TGFB3: variants seen among roughly 807,000 people sequenced by gnomAD.
The protein encoded by TGFB3 is transforming growth factor beta-3 proprotein.
Under a neutral mutation model 40.1 loss-of-function variants are expected in TGFB3, and 5 were observed. That is an observed-to-expected ratio of 0.12 (90% CI 0.07 to 0.26). The LOEUF (loss-of-function observed/expected upper bound fraction) is 0.26, where lower values mean the gene tolerates loss of function less well. TGFB3 is among the 10% of genes least tolerant of loss of function. The probability of loss-of-function intolerance (pLI) is 1.00; values close to 1 mark genes in which losing one functional copy is unlikely to be tolerated. For synonymous variants in TGFB3, 184 were observed against 205.6 expected, an observed-to-expected ratio of 0.89 and a Z score of 0.90; for missense variants, 373 against 530.1, an observed-to-expected ratio of 0.70 and a Z score of 2.91.
At chr14:75,975,971 A>C (rs1221162618) in intron 1 of TGFB3, among the ~76,000 whole-genome samples, 1 of 152,258 alleles carries the variant, frequency 6.6e-6, no homozygotes, top group African/African-American at 2.4e-5. Context: ...TTTCCATTGC[A>C]CAGAAAAAAT....
At position 75,971,366 on chromosome 14, in the gene TGFB3, TGCCATGGCCCTCGAGCACCTTA is replaced by T; in HGVS notation, c.517-133_517-112del. 1 of 1,564,786 alleles carries T rather than the reference TGCCATGGCCCTCGAGCACCTTA, an allele frequency of 6.4e-7. No homozygotes were observed. Among genetic ancestry groups the T allele is most frequent in the Middle Eastern group, 2.0e-4 (1 of 5,056 alleles). On this transcript the variant is annotated intron_variant, in intron 2 of 6. Transcript: ENST00000238682. The surrounding 1 kb of genome is among the most constrained non-coding windows in gnomAD (Gnocchi z 4.5). ...CGATAGGAAACCAGTGGTTCCTGAA[TGCCATGGCCCTCGAGCACCTTA>T]GCTAACTCTTAAGTGTTTTAATGAC...
chr14:75,980,725 G>C lies in TGFB3; in HGVS notation c.169C>G (p.Pro57Ala). ...ACGTGGGTCATCACCGTTGGCTCAGGGGGGCTGGTGAGCCTGAGCTTGCTC... is the reference window on the plus strand; with the variant it reads ...ACGTGGGTCATCACCGTTGGCTCAGCGGGGCTGGTGAGCCTGAGCTTGCTC... ...ILSKLRLTSPPEPTVMTHVPY... is the reference protein window; with the variant it reads ...ILSKLRLTSPAEPTVMTHVPY... Residue 57 changes from proline to alanine, a missense_variant, in exon 1 of 7, where the codon CCT (proline) becomes GCT (alanine). Pro to Ala is a conservative substitution (Grantham distance 27). Transcript: ENST00000238682. This position sits in a 1 kb window ranked among gnomAD's most constrained non-coding sequence, Gnocchi z 4.3. The C allele has an allele frequency of 6.2e-7, 1 of 1,614,192 alleles. No individual in the cohort carries two copies. The highest frequency in any genetic ancestry group is 1.1e-5 in the South Asian group (1 of 91,084).
rs1005394995 is a variant in TGFB3 at position 75,981,809 on chromosome 14, C to T, written c.-916G>A. The T allele has an allele frequency of 6.6e-6, 1 of 152,262 alleles. No homozygotes were observed. Among genetic ancestry groups the T allele is most frequent in the African/African-American group, 2.4e-5 (1 of 41,442 alleles). The allele number at this position is 152,262 out of a possible 1,614,324, so 9.4% of individuals were successfully genotyped here. A position where few individuals can be genotyped will look rare whatever the true frequency, so the allele number is the denominator to read the frequency against. Reference sequence around the variant, plus strand: ...AAATAAAATAAAATAGAAGCCAGTTCACGGCACGCCTGCTCCGGAAAGCTG... The same window carrying T: ...AAATAAAATAAAATAGAAGCCAGTTTACGGCACGCCTGCTCCGGAAAGCTG... On this transcript the variant is annotated 5_prime_UTR_variant, in exon 1 of 7. Transcript: ENST00000238682. The surrounding 1 kb of genome is among the most constrained non-coding windows in gnomAD (Gnocchi z 4.7).
Position 75,971,999 on chromosome 14 carries a change from G to A in TGFB3, c.353-281C>T, listed in dbSNP as rs2035299969. Among the ~76,000 whole-genome samples, 1 of 152,208 alleles carries A rather than the reference G, an allele frequency of 6.6e-6. No individual in the cohort carries two copies. ...CTCCTCCCACTGCCTTGACATCTCAGTTCTGGTAAGTTTTCCAACCCGTTT... is the reference window on the plus strand; with the variant it reads ...CTCCTCCCACTGCCTTGACATCTCAATTCTGGTAAGTTTTCCAACCCGTTT... On this transcript the variant is annotated intron_variant, in intron 1 of 6. Transcript: ENST00000238682. This position sits in a 1 kb window ranked among gnomAD's most constrained non-coding sequence, Gnocchi z 4.5.
chr14:75,972,377 AG>A (rs11466428), intron 1 of TGFB3, among the ~76,000 whole-genome samples: 140 of 152,280 alleles, frequency 9.2e-4, no homozygotes, highest in African/African-American at 3.2e-3. Context: ...TTAATATCTA[AG>A]GGGGGGTATT....
At position 75,980,062 on chromosome 14, in the gene TGFB3, C is replaced by T. The variant is rs1293299229; in HGVS notation, c.352+480G>A. On this transcript the variant is annotated intron_variant, in intron 1 of 6. Coordinates refer to ENST00000238682, the MANE Select transcript of TGFB3 (RefSeq NM_003239.5). This position sits in a 1 kb window ranked among gnomAD's most constrained non-coding sequence, Gnocchi z 4.3. Reference sequence around the variant, plus strand: ...TAATTTGGGGCAGGTATTCTTCTTCCCAAGAACTGGAAAAACTGAAACGGA... The same window carrying T: ...TAATTTGGGGCAGGTATTCTTCTTCTCAAGAACTGGAAAAACTGAAACGGA... 1.3e-5 allele frequency among the ~76,000 whole-genome samples: 2 copies of T among 152,252 alleles called. No homozygotes were observed. The highest frequency in any genetic ancestry group is 3.9e-4 in the East Asian group (2 of 5,178).
chr14:75,973,417 T>G (rs1178382230), intron 1 of TGFB3, among the ~76,000 whole-genome samples: 1 of 152,274 alleles, frequency 6.6e-6, no homozygotes, highest in Non-Finnish European at 1.5e-5. Flanking sequence ...TGCTGTCTAA[T>G]GAAGCCCTGA....
chr14:75,960,910 G>A lies in TGFB3; in HGVS notation c.1080+13C>T, dbSNP rs1242820215. On this transcript the variant is annotated intron_variant, in intron 6 of 6. Transcript: ENST00000238682. ...AGCCCCAGTGCCTCAGATGGCATGA[G>A]CCTGCTCCATACCGTGCTGTGGGTT... The A allele has an allele frequency of 8.1e-6, 13 of 1,614,044 alleles. No homozygotes were observed. The highest frequency in any genetic ancestry group is 1.3e-5 in the African/African-American group (1 of 75,058).
Position 75,959,299 on chromosome 14 carries a change from G to T in TGFB3, c.1127C>A (p.Pro376His). 1 of 1,614,206 alleles carries T rather than the reference G, an allele frequency of 6.2e-7. No homozygotes were observed. The highest frequency in any genetic ancestry group is 8.5e-7 in the Non-Finnish European group (1 of 1,180,022). ...NTLNPEASAS[P>H]CCVPQDLEPL... ...CTCCAGGTCCTGGGGCACGCAGCAAGGCGAGGCAGATGCTTCAGGGTTCAG... is the reference window on the plus strand; with the variant it reads ...CTCCAGGTCCTGGGGCACGCAGCAATGCGAGGCAGATGCTTCAGGGTTCAG... The change falls in exon 7 of 7, where the codon CCT becomes CAT. Residue 376 changes from proline (P) to histidine (H), a missense_variant. Physicochemically the swap from Pro to His is moderately conservative, Grantham distance 77 (BLOSUM62 -2). Transcript: ENST00000238682.
chr14:75,980,758 G>C lies in TGFB3; in HGVS notation c.136C>G (p.Gln46Glu), dbSNP rs776922148. The change falls in exon 1 of 7, where the codon CAG (glutamine) becomes GAG (glutamate). Residue 46 changes from glutamine (Q) to glutamate (E), a missense_variant. Transcript: ENST00000238682. The surrounding 1 kb of genome is among the most constrained non-coding windows in gnomAD (Gnocchi z 4.3). ...GTGAGCCTGAGCTTGCTCAAGATCT[G>C]TCCCCTAATGGCTTCCACCCTCTTC... is the stretch of plus-strand genomic sequence containing the variant. Reference protein sequence around the residue: ...KKKRVEAIRGQILSKLRLTSP... With the variant: ...KKKRVEAIRGEILSKLRLTSP... 5 of 1,614,144 alleles carry C rather than the reference G, an allele frequency of 3.1e-6. No homozygotes were observed. Among genetic ancestry groups the C allele is most frequent in the Non-Finnish European group, 4.2e-6 (5 of 1,180,026 alleles).
chr14:75,969,536 A>G (rs546644864), intron 3 of TGFB3, among the ~76,000 whole-genome samples: 1 of 152,354 alleles, frequency 6.6e-6, no homozygotes, highest in East Asian at 1.9e-4. Context: ...AACATGGTAA[A>G]AACCATGAAG....
At position 75,978,888 on chromosome 14, in the gene TGFB3, A is replaced by G. The variant is rs1182451510; in HGVS notation, c.352+1654T>C. ...TGCTGACCCAGACCATGAAGGTCTG[A>G]GTCCTGCCCTCTTGCCCTGGACTCT... On this transcript the variant is annotated intron_variant, in intron 1 of 6. Transcript: ENST00000238682. The surrounding 1 kb of genome is among the most constrained non-coding windows in gnomAD (Gnocchi z 5.0). Among the ~76,000 whole-genome samples, 1 of 152,102 alleles carries G rather than the reference A, an allele frequency of 6.6e-6. No homozygotes were observed. Among genetic ancestry groups the G allele is most frequent in the Non-Finnish European group, 1.5e-5 (1 of 68,016 alleles).
In TGFB3 at chr14:75,963,378, G is replaced by C. The variant is rs752123300; in HGVS notation, c.864C>G (p.Leu288=). 2 of 1,614,200 alleles carry C rather than the reference G, an allele frequency of 1.2e-6. No homozygotes were observed. The highest frequency in any genetic ancestry group is 2.2e-5 in the East Asian group (1 of 44,882). Residue 288 remains leucine (L), a synonymous_variant, in exon 5 of 7, where the codon CTC becomes CTG. Transcript: ENST00000238682. ...TCTGACCCCCCTGGCCCGGGTTGTC[G>C]AGCCGGTGTGGGGGAATCATCATGA... ...LILMMIPPHR[L]DNPGQGGQRK...
chr14:75,971,603 C>T lies in TGFB3; in HGVS notation c.468G>A (p.Val156=). Residue 156 remains valine, a synonymous_variant, in exon 2 of 7, where the codon GTG becomes GTA. Coordinates refer to ENST00000238682, the MANE Select transcript of TGFB3 (RefSeq NM_003239.5). This position sits in a 1 kb window ranked among gnomAD's most constrained non-coding sequence, Gnocchi z 4.5. ...LFRAEFRVLR[V]PNPSSKRNEQ... Reference sequence around the variant, plus strand: ...CATTCCGCTTAGAGCTGGGGTTGGGCACCCGCAAGACCCGGAATTCTGCTC... The same window carrying T: ...CATTCCGCTTAGAGCTGGGGTTGGGTACCCGCAAGACCCGGAATTCTGCTC... The T allele has an allele frequency of 6.2e-7, 1 of 1,614,232 alleles. No homozygotes were observed.
chr14:75,965,779 G>A lies in TGFB3; in HGVS notation c.647-84C>T, dbSNP rs2035214154. The A allele has an allele frequency of 1.1e-5, 12 of 1,131,724 alleles. No homozygotes were observed. The Middle Eastern group carries it at 5.8e-4, about 55-fold the overall frequency. 70.1% of individuals were successfully genotyped at this position (1,131,724 alleles called of 1,614,324 possible). The stretch of plus-strand genomic sequence containing the variant: ...CACCACCCATGCAAGGGTGAGCCAG[G>A]GCCTCTGCTCCTATAGGGACTCATA... On this transcript the variant is annotated intron_variant, in intron 3 of 6. Transcript: ENST00000238682.
rs547543433 is a variant in TGFB3 at position 75,979,701 on chromosome 14, C to T, written c.352+841G>A. Among the ~76,000 whole-genome samples, 9 of 150,366 alleles carry T rather than the reference C, an allele frequency of 6.0e-5. No individual in the cohort carries two copies. Among genetic ancestry groups the T allele is most frequent in the Admixed American group, 5.3e-4 (8 of 15,188 alleles). On this transcript the variant is annotated intron_variant, in intron 1 of 6. Transcript: ENST00000238682. The surrounding 1 kb of genome is among the most constrained non-coding windows in gnomAD (Gnocchi z 4.8). ...ACGGCAGGCTCCCAGACATATCCCC[C>T]CCCCCCACCATGCACCCACTGCCAC...
In TGFB3 at chr14:75,971,221, C is replaced by T. The variant is rs996991722; in HGVS notation, c.551G>A (p.Arg184His). 4.3e-6 allele frequency: 7 copies of T among 1,614,150 alleles called. No individual in the cohort carries two copies. Among genetic ancestry groups the T allele is most frequent in the South Asian group, 3.3e-5 (3 of 91,082 alleles). ...LRPDEHIAKQ[R>H]YIGGKNLPTR... is the part of the protein sequence containing the mutation. The stretch of plus-strand genomic sequence containing the variant: ...GGGCAGATTCTTGCCACCGATATAG[C>T]GCTGTTTGGCAATGTGCTCATCTGG... Residue 184 changes from arginine (R) to histidine (H), a missense_variant, in exon 3 of 7, where the codon CGC becomes CAC. Coordinates refer to ENST00000238682, the MANE Select transcript of TGFB3 (RefSeq NM_003239.5). The surrounding 1 kb of genome is among the most constrained non-coding windows in gnomAD (Gnocchi z 4.5).
intron 4 of TGFB3, among the ~76,000 whole-genome samples, chr14:75,964,867 A>G (rs2035202825): frequency 6.6e-6 from 1 of 152,186 alleles, no homozygotes; most frequent in Admixed American, 6.5e-5. Flanking sequence ...TCCAGCGCTG[A>G]GCCAAAAGAG....
intron 6 of TGFB3, among the ~76,000 whole-genome samples, chr14:75,959,777 G>GAAA (rs565684186): frequency 7.5e-6 from 1 of 134,214 alleles, no homozygotes. Flanking sequence ...TCAAAAAAAA[G>GAAA]AAAAAAAAAA....
Sources: allele counts gnomAD v4.1 joint callset (sites outside exome capture counted in the v4.1 genomes callset), GRCh38; gene constraint gnomAD v4.1.1; non-coding constraint Gnocchi (gnomAD v3.1); transcripts MANE v1.5; gene names NCBI Gene and HGNC (gene_info 2026-07-23, HGNC 2026-07-21).